HABP2: variants seen among roughly 807,000 people sequenced by gnomAD.
HABP2 encodes the protein factor VII-activating protease.
Under a neutral mutation model 66.5 loss-of-function variants are expected in HABP2, and 65 were observed. The ratio of observed to expected loss-of-function variants is 0.98; its 90% confidence interval spans 0.80 to 1.20. The LOEUF is 1.20. Ranked by LOEUF, HABP2 falls within the 50% of genes most tolerant of loss-of-function variation. HABP2 has a pLI of 0.00. For missense variants in HABP2, 786 were observed against 691.0 expected, an observed-to-expected ratio of 1.14 and a Z score of -1.54; for synonymous variants, 263 against 253.9, an observed-to-expected ratio of 1.04 and a Z score of -0.34.
At position 113,578,224 on chromosome 10, in the gene HABP2, T is replaced by A. The variant is rs148113667; in HGVS notation, c.568+79T>A. 1.9e-4 allele frequency: 288 copies of A among 1,500,266 alleles called. No individual in the cohort carries two copies. The African/African-American group carries it at 3.7e-3, about 19-fold the overall frequency. 92.9% of individuals were successfully genotyped at this position (1,500,266 alleles called of 1,614,324 possible). ...CTCTCTGGGTTTTGTTGCCAGAATG[T>A]GGTTCAAATCAAGTTTCCCAAACTC... On this transcript the variant is annotated intron_variant, in intron 6 of 12. Transcript: ENST00000351270.
chr10:113,581,513 T>C (rs1178522429), intron 8 of HABP2, among the ~76,000 whole-genome samples: 2 of 152,216 alleles, frequency 1.3e-5, no homozygotes, highest in Admixed American at 6.5e-5. Context: ...GAAAGGTGCA[T>C]TGATGATGCA....
Position 113,586,015 on chromosome 10 carries a change from TG to T in HABP2, c.1518+80del, listed in dbSNP as rs1183630741. 3.6e-5 allele frequency: 49 copies of T among 1,344,898 alleles called. No individual in the cohort carries two copies. In the African/African-American group the frequency reaches 6.3e-4, roughly 17 times the overall value. 83.3% of individuals were successfully genotyped at this position (1,344,898 alleles called of 1,614,324 possible). On this transcript the variant is annotated intron_variant, in intron 12 of 12. Coordinates refer to ENST00000351270, the MANE Select transcript of HABP2 (RefSeq NM_004132.5). ...ACTAGGCAGAGGACCCTTAGAGCCC[TG>T]GGCTGGGAGCTAGGTTCAGAGGTCC... is the stretch of plus-strand genomic sequence containing the variant.
intron 2 of HABP2, among the ~76,000 whole-genome samples, chr10:113,573,535 A>G (rs948678187): frequency 2.6e-5 from 4 of 152,206 alleles, no homozygotes; most frequent in Non-Finnish European, 5.9e-5. Context: ...TTGTACGGAG[A>G]CAAACTGCCA....
chr10:113,567,952 T>C (rs1426684457), intron 2 of HABP2, among the ~76,000 whole-genome samples: 4 of 152,240 alleles, frequency 2.6e-5, no homozygotes, highest in African/African-American at 9.6e-5. Flanking sequence ...GCCTCCGGGC[T>C]GACCTGCCCT....
chr10:113,563,254 C>T (rs1053863295), intron 1 of HABP2, among the ~76,000 whole-genome samples: 4 of 152,134 alleles, frequency 2.6e-5, no homozygotes, highest in African/African-American at 9.7e-5. Flanking sequence ...TTTCTTGTCT[C>T]TGGGAGAAGA....
chr10:113,559,467 A>G (rs962643046), intron 1 of HABP2, among the ~76,000 whole-genome samples: 3 of 152,242 alleles, frequency 2.0e-5, no homozygotes, highest in Non-Finnish European at 2.9e-5. Context: ...AACAAATTGC[A>G]CAGGAGCAAA....
At chr10:113,563,857 T>C (rs1845146535) in intron 1 of HABP2, among the ~76,000 whole-genome samples, 1 of 151,992 alleles carries the variant, frequency 6.6e-6, no homozygotes, top group Admixed American at 6.6e-5. Context: ...AAGGACTGGG[T>C]GGAGACAGGT....
chr10:113,581,997 C>T lies in HABP2; in HGVS notation c.960C>T (p.Ser320=). The change falls in exon 9 of 13, where the codon AGC becomes AGT. Residue 320 remains serine, a synonymous_variant. Coordinates refer to ENST00000351270, the MANE Select transcript of HABP2 (RefSeq NM_004132.5). ...KIKRIYGGFK[S]TAGKHPWQAS... ...AGAGAATCTATGGAGGCTTTAAGAG[C>T]ACGGCGGGCAAGCACCCATGGCAGG... is the stretch of plus-strand genomic sequence containing the variant. 6.2e-7 allele frequency: 1 copy of T among 1,614,212 alleles called. No homozygotes were observed. Among genetic ancestry groups the T allele is most frequent in the South Asian group, 1.1e-5 (1 of 91,088 alleles).
chr10:113,578,787 C>A lies in HABP2; in HGVS notation c.729C>A (p.His243Gln). 6.2e-7 allele frequency: 1 copy of A among 1,605,704 alleles called. No individual in the cohort carries two copies. Among genetic ancestry groups the A allele is most frequent in the Non-Finnish European group, 8.5e-7 (1 of 1,172,726 alleles). Reference sequence around the variant, plus strand: ...CTGAAACCCATGGGATTGGGGAACACAATTTCTGCAGGTAACATTTACCTT... The same window carrying A: ...CTGAAACCCATGGGATTGGGGAACAAAATTTCTGCAGGTAACATTTACCTT... ...EDAETHGIGE[H>Q]NFCRNPDADE... The change falls in exon 7 of 13, where the codon CAC becomes CAA. Residue 243 changes from histidine (H) to glutamine (Q), a missense_variant. Transcript: ENST00000351270.
chr10:113,582,000 G>T lies in HABP2; in HGVS notation c.963G>T (p.Thr321=). 6.2e-7 allele frequency: 1 copy of T among 1,614,190 alleles called. No individual in the cohort carries two copies. Among genetic ancestry groups the T allele is most frequent in the Non-Finnish European group, 8.5e-7 (1 of 1,180,028 alleles). Residue 321 remains threonine (T), a synonymous_variant, in exon 9 of 13, where the codon ACG becomes ACT. Coordinates refer to ENST00000351270, the MANE Select transcript of HABP2 (RefSeq NM_004132.5). ...GAATCTATGGAGGCTTTAAGAGCACGGCGGGCAAGCACCCATGGCAGGCGT... is the reference window on the plus strand; with the variant it reads ...GAATCTATGGAGGCTTTAAGAGCACTGCGGGCAAGCACCCATGGCAGGCGT... ...IKRIYGGFKS[T]AGKHPWQASL... is the part of the protein sequence containing the mutation.
chr10:113,558,822 C>T (rs2133743311), intron 1 of HABP2, among the ~76,000 whole-genome samples: 1 of 152,230 alleles, frequency 6.6e-6, no homozygotes. Context: ...GCCCCACGCT[C>T]AGCTGTGCTT....
intron 1 of HABP2, among the ~76,000 whole-genome samples, chr10:113,556,343 A>G (rs191804334): frequency 6.6e-6 from 1 of 152,302 alleles, no homozygotes; most frequent in Admixed American, 6.5e-5. Flanking sequence ...TTTTCTTGAA[A>G]ATCAGACATT....
chr10:113,556,592 G>A (rs895686573), intron 1 of HABP2, among the ~76,000 whole-genome samples: 2 of 151,984 alleles, frequency 1.3e-5, no homozygotes, highest in African/African-American at 4.8e-5. Context: ...GTACATGTCT[G>A]TAGTCTCAGC....
intron 2 of HABP2, among the ~76,000 whole-genome samples, chr10:113,569,134 A>G (rs1162327513): frequency 6.6e-6 from 1 of 152,244 alleles, no homozygotes; most frequent in African/African-American, 2.4e-5. Context: ...GGCTCTCAGG[A>G]GGTAATGAGT....
At chr10:113,579,457 G>A (rs1332068622) in intron 7 of HABP2, among the ~76,000 whole-genome samples, 1 of 152,174 alleles carries the variant, frequency 6.6e-6, no homozygotes, top group African/African-American at 2.4e-5. Context: ...TACTTTGTTG[G>A]TCAGAAATAA....
In HABP2 at chr10:113,588,188, G is replaced by A. The variant is rs779191214; in HGVS notation, c.1519-17G>A. ...CTCTGGTTCACGAGGATGAGCTTATGCCTCTGTTTCCCTTAGGGTGACTCT... is the reference window on the plus strand; with the variant it reads ...CTCTGGTTCACGAGGATGAGCTTATACCTCTGTTTCCCTTAGGGTGACTCT... On this transcript the variant is annotated splice_polypyrimidine_tract_variant and intron_variant, in intron 12 of 12. Coordinates refer to ENST00000351270, the MANE Select transcript of HABP2 (RefSeq NM_004132.5). The A allele has an allele frequency of 1.3e-6, 2 of 1,583,490 alleles. No homozygotes were observed. The highest frequency in any genetic ancestry group is 1.7e-6 in the Non-Finnish European group (2 of 1,165,108).
Position 113,588,146 on chromosome 10 carries a change from G to T in HABP2, c.1519-59G>T, listed in dbSNP as rs909925620. ...CCCTGACACCCCCTGGAGAGAGGTGGGGGCATCTCCAGATGTCTCTGGTTC... is the reference window on the plus strand; with the variant it reads ...CCCTGACACCCCCTGGAGAGAGGTGTGGGCATCTCCAGATGTCTCTGGTTC... On this transcript the variant is annotated intron_variant, in intron 12 of 12. Transcript: ENST00000351270. 7.8e-6 allele frequency: 11 copies of T among 1,402,676 alleles called. No individual in the cohort carries two copies. The African/African-American group carries it at 1.6e-4, about 20-fold the overall frequency. The allele number at this position is 1,402,676 out of a possible 1,614,324, so 86.9% of individuals were successfully genotyped here. A position where few individuals can be genotyped will look rare whatever the true frequency, so the allele number is the denominator to read the frequency against.
chr10:113,589,029 G>A lies in HABP2; in HGVS notation c.*660G>A. 1.2e-6 allele frequency: 2 copies of A among 1,613,956 alleles called. No individual in the cohort carries two copies. The highest frequency in any genetic ancestry group is 2.2e-5 in the East Asian group (1 of 44,862). ...CGTGCAGAATCTCAGTGGCATCTGGGTTCACCTCCCCACTCTGATGATCTC... is the reference window on the plus strand; with the variant it reads ...CGTGCAGAATCTCAGTGGCATCTGGATTCACCTCCCCACTCTGATGATCTC... On this transcript the variant is annotated 3_prime_UTR_variant, in exon 13 of 13. Coordinates refer to ENST00000351270, the MANE Select transcript of HABP2 (RefSeq NM_004132.5).
At position 113,571,405 on chromosome 10, in the gene HABP2, C is replaced by G. The variant is rs140411944; in HGVS notation, c.107-2884C>G. Among the ~76,000 whole-genome samples, 254 of 152,252 alleles carry G rather than the reference C, an allele frequency of 1.7e-3. 1 individual carries two copies. Among genetic ancestry groups the G allele is most frequent in the African/African-American group, 5.6e-3 (234 of 41,556 alleles). ...CTGTTCACATGGCAGTCATGTGGGT[C>G]CAGGAGTGGGAGAGATACAGAGTCG... On this transcript the variant is annotated intron_variant, in intron 2 of 12. Coordinates refer to ENST00000351270, the MANE Select transcript of HABP2 (RefSeq NM_004132.5).
Sources: gnomAD v4.1 joint callset for allele counts (sites outside exome capture counted in the v4.1 genomes callset) on GRCh38, gnomAD v4.1.1 for gene constraint, MANE v1.5 for transcripts, NCBI Gene and HGNC (gene_info 2026-07-23, HGNC 2026-07-21) for gene names.